Variants in GUCY2D observed in about 807,000 individuals in gnomAD.
The protein encoded by GUCY2D is guanylate cyclase 2D, retinal.
GUCY2D carries 70 observed loss-of-function variants against 101.3 expected under a neutral mutation model. The ratio of observed to expected loss-of-function variants is 0.69; its 90% CI spans 0.57 to 0.84. GUCY2D has a LOEUF of 0.84. Ranked by LOEUF, GUCY2D falls within the 40% of genes least tolerant of loss-of-function variation. GUCY2D has a pLI of 0.00. For missense variants in GUCY2D, 1,460 were observed against 1,542.5 expected, an observed-to-expected ratio of 0.95 and a Z score of 0.90; for synonymous variants, 688 against 670.7, an observed-to-expected ratio of 1.03 and a Z score of -0.40.
rs1342484355 is a variant in GUCY2D at position 8,003,092 on chromosome 17, G to T, written c.45G>T (p.Gly15=). ...GAGCGGGTGGGCTTCCGGACCCCGG[G>T]CTCTGCGGTCCCGCGTGGTGGGCTC... is the stretch of plus-strand genomic sequence containing the variant. ...ARRAGGLPDP[G]LCGPAWWAPS... Residue 15 remains glycine (G), a synonymous_variant, in exon 2 of 20, where the codon GGG becomes GGT. Transcript: ENST00000254854. 2 of 1,524,894 alleles carry T rather than the reference G, an allele frequency of 1.3e-6. No individual in the cohort carries two copies. The highest frequency in any genetic ancestry group is 1.8e-6 in the Non-Finnish European group (2 of 1,142,606). The allele number at this position is 1,524,894 out of a possible 1,614,324, so 94.5% of individuals were successfully genotyped here. A position where few individuals can be genotyped will look rare whatever the true frequency, so the allele number is the denominator to read the frequency against.
Position 8,003,549 on chromosome 17 carries a change from G to A in GUCY2D, c.502G>A (p.Ala168Thr), listed in dbSNP as rs756319569. ...CACCACGGCCCCTGCCGTGACCCCC[G>A]CCGCGGATGCCCTCTACGCCCTGCT... ...EGTTAPAVTP[A>T]ADALYALLRA... Residue 168 changes from alanine (A) to threonine (T), a missense_variant, in exon 2 of 20, where the codon GCC becomes ACC. This residue lies in a region of GUCY2D where 1,196 missense variants were observed against 1,229.6 expected (regional missense o/e 0.97). Coordinates refer to ENST00000254854, the MANE Select transcript of GUCY2D (RefSeq NM_000180.4). 7 of 1,561,332 alleles carry A rather than the reference G, an allele frequency of 4.5e-6. No homozygotes were observed. The highest frequency in any genetic ancestry group is 3.5e-5 in the South Asian group (3 of 86,666).
At position 8,004,146 on chromosome 17, in the gene GUCY2D, A is replaced by T. The variant is rs1397466363; in HGVS notation, c.1016A>T (p.Asn339Ile). Residue 339 changes from asparagine (N) to isoleucine (I), a missense_variant, in exon 3 of 20, where the codon AAT becomes ATT. Physicochemically the swap from Asn to Ile is moderately radical, Grantham distance 149 (BLOSUM62 -3). Transcript: ENST00000254854. ...CGCCGCGAGCTGCCCTCTGACCTCA[A>T]TCTGCAGCAGGTAGACGGTCCCGGG... is the stretch of plus-strand genomic sequence containing the variant. ...QERRELPSDL[N>I]LQQVSPLFGT... 3 of 1,592,088 alleles carry T rather than the reference A, an allele frequency of 1.9e-6. No individual in the cohort carries two copies. The highest frequency in any genetic ancestry group is 1.7e-6 in the Non-Finnish European group (2 of 1,174,058).
rs567708710 is a variant in GUCY2D, at chr17:8,012,288, G to C, written c.1894G>C (p.Ala632Pro). The change falls in exon 9 of 20, where the codon GCT (alanine) becomes CCT (proline). Residue 632 changes from alanine (A) to proline (P), a missense_variant. Around this residue, in one of 3 missense-constraint regions of GUCY2D, gnomAD observed 1,196 missense variants for 1,229.6 expected, o/e 0.97. Transcript: ENST00000254854. ...GCGGGGCTCTCTTCAGGACCTCCTC[G>C]CTCAGAGAGAAATAAAGCTGGACTG... ...CTRGSLQDLLAQREIKLDWMF... is the reference protein window; with the variant it reads ...CTRGSLQDLLPQREIKLDWMF... 1 of 1,613,946 alleles carries C rather than the reference G, an allele frequency of 6.2e-7. No homozygotes were observed. The highest frequency in any genetic ancestry group is 2.2e-5 in the East Asian group (1 of 44,846).
chr17:8,002,942 A>G lies in GUCY2D; in HGVS notation c.-9-97A>G. 4.3e-6 allele frequency: 4 copies of G among 934,344 alleles called. No individual in the cohort carries two copies. The highest frequency in any genetic ancestry group is 1.6e-5 in the South Asian group (1 of 63,256). 57.9% of individuals were successfully genotyped at this position (934,344 alleles called of 1,614,324 possible). On this transcript the variant is annotated intron_variant, in intron 1 of 19. Coordinates refer to ENST00000254854, the MANE Select transcript of GUCY2D (RefSeq NM_000180.4). This position sits in a 1 kb window ranked among gnomAD's most constrained non-coding sequence, Gnocchi z 4.9. Reference sequence around the variant, plus strand: ...GGGGCGGTAGCAGCAGAATCATCCCATGGGTTACTCGGGCTTGGAGAAACT... The same window carrying G: ...GGGGCGGTAGCAGCAGAATCATCCCGTGGGTTACTCGGGCTTGGAGAAACT...
At chr17:8,019,306 G>A (rs1011300771) in intron 19 of GUCY2D, among the ~76,000 whole-genome samples, 3 of 152,102 alleles carry the variant, frequency 2.0e-5, no homozygotes, top group South Asian at 4.1e-4. Flanking sequence ...GTGTGATTTC[G>A]GCTGCCTCAA....
chr17:8,012,006 T>C, intron 8 of GUCY2D, 138 bp from the exon 9 acceptor site: 3 of 701,790 alleles, frequency 4.3e-6, no homozygotes, highest in Non-Finnish European at 7.8e-6. Context: ...CCCCCGTACA[T>C]ACCTTATCAA....
chr17:8,016,331 C>T (rs971137344), intron 18 of GUCY2D, 41 bp downstream of exon 18: 5 of 1,456,556 alleles, frequency 3.4e-6, no homozygotes, highest in African/African-American at 2.8e-5. Flanking sequence ...GGACGAGGGA[C>T]CCCTGCCTCC....
At position 8,007,441 on chromosome 17, in the gene GUCY2D, C is replaced by T. The variant is rs377622295; in HGVS notation, c.1479C>T (p.His493=). 1.2e-6 allele frequency: 2 copies of T among 1,612,446 alleles called. No individual in the cohort carries two copies. The highest frequency in any genetic ancestry group is 1.7e-6 in the Non-Finnish European group (2 of 1,178,456). Residue 493 remains histidine (H), a synonymous_variant, in exon 6 of 20, where the codon CAC becomes CAT. Transcript: ENST00000254854. ...LAHYVRHRLL[H]MQMVSGPNKI... ...TCTCCACCAGGCACCGGCTACTTCA[C>T]ATGCAAATGGTCTCCGGCCCCAACA... is the stretch of plus-strand genomic sequence containing the variant.
Position 8,003,243 on chromosome 17 carries a change from C to A in GUCY2D, c.196C>A (p.Pro66Thr). Residue 66 changes from proline to threonine, a missense_variant, in exon 2 of 20, where the codon CCC (proline) becomes ACC (threonine). Pro to Thr is a conservative substitution (Grantham distance 38). Transcript: ENST00000254854. ...GGTCCTGGGCCCCTGGGCTTGCGAC[C>A]CCATCTTCTCTCGGGCTCGCCCGGA... ...VGVLGPWACDPIFSRARPDLA... is the reference protein window; with the variant it reads ...VGVLGPWACDTIFSRARPDLA... The A allele has an allele frequency of 6.6e-7, 1 of 1,516,032 alleles. No individual in the cohort carries two copies. 93.9% of individuals were successfully genotyped at this position (1,516,032 alleles called of 1,614,324 possible).
rs770255396 is a variant in GUCY2D at position 8,006,452 on chromosome 17, G to T, written c.1116G>T (p.Trp372Cys). 5 of 1,605,260 alleles carry T rather than the reference G, an allele frequency of 3.1e-6. No individual in the cohort carries two copies. The Admixed American group carries it at 8.3e-5, about 27-fold the overall frequency. Residue 372 changes from tryptophan to cysteine, a missense_variant, in exon 4 of 20, where the codon TGG becomes TGT. This residue lies in a region of GUCY2D where 1,196 missense variants were observed against 1,229.6 expected (regional missense o/e 0.97). Transcript: ENST00000254854. ...AEARAAAGGRWVSGAAVARHI... is the reference protein window; with the variant it reads ...AEARAAAGGRCVSGAAVARHI... The stretch of plus-strand genomic sequence containing the variant: ...CGCGGGCTGCCGCAGGTGGCAGATG[G>T]GTGTCCGGAGCAGCTGTGGCCCGCC...
At chr17:8,015,232 A>C (rs141214199) in intron 14 of GUCY2D, 96 bp from the exon 15 acceptor site, 1 of 1,245,904 alleles carries the variant, frequency 8.0e-7, no homozygotes, top group Middle Eastern at 1.9e-4. Flanking sequence ...CTGGTTCTGC[A>C]CTAACCCCAG....
rs1451359371 is a variant in GUCY2D, at chr17:8,003,044, GGCAAT to G, written c.-2_3del. On this transcript the variant is annotated start_lost and 5_prime_UTR_variant, in exon 2 of 20. Transcript: ENST00000254854. ...TGCTCCGTCTGTGTTCGCAGAAGCC[GGCAAT>G]GACCGCCTGCGCCCGCCGAGCGGGT... 19 of 1,525,234 alleles carry G rather than the reference GGCAAT, an allele frequency of 1.2e-5. No homozygotes were observed. Among genetic ancestry groups the G allele is most frequent in the Non-Finnish European group, 1.6e-5 (18 of 1,142,772 alleles). 94.5% of individuals were successfully genotyped at this position (1,525,234 alleles called of 1,614,324 possible).
At chr17:8,016,682 G>C in intron 19 of GUCY2D, 128 bp downstream of exon 19, 1 of 602,466 alleles carries the variant, frequency 1.7e-6, no homozygotes, top group Non-Finnish European at 3.0e-6. Flanking sequence ...AAACCCCGGG[G>C]CTTCCCCTGG....
Position 8,013,692 on chromosome 17 carries a change from C to A in GUCY2D, c.2264-188C>A. ...ACTGACCCCCAGAGTTCGAGGTCCT[C>A]TTGTTCCTCCTAGCAACCCCCTTCC... On this transcript the variant is annotated intron_variant, in intron 11 of 19. Coordinates refer to ENST00000254854, the MANE Select transcript of GUCY2D (RefSeq NM_000180.4). The surrounding 1 kb of genome is among the most constrained non-coding windows in gnomAD (Gnocchi z 5.0). 1.6e-6 allele frequency: 1 copy of A among 621,600 alleles called. No individual in the cohort carries two copies. The highest frequency in any genetic ancestry group is 2.9e-6 in the Non-Finnish European group (1 of 348,620). 38.5% of individuals were successfully genotyped at this position (621,600 alleles called of 1,614,324 possible).
rs772299197 is a variant in GUCY2D, at chr17:8,004,066, GCGC to G, written c.938_940del (p.Arg313del). The G allele has an allele frequency of 1.9e-6, 3 of 1,607,202 alleles. No individual in the cohort carries two copies. In the South Asian group the frequency reaches 3.3e-5, roughly 18 times the overall value. On this transcript the variant is annotated inframe_deletion, in exon 3 of 20. Coordinates refer to ENST00000254854, the MANE Select transcript of GUCY2D (RefSeq NM_000180.4). The stretch of plus-strand genomic sequence containing the variant: ...CCCACGATGCCGTGCTCACCCTCAC[GCGC>G]CACTGTCCCTCTGAAGGCAGCGTGC...
intron 6 of GUCY2D, 72 bp downstream of exon 6, chr17:8,007,600 C>A: frequency 1.1e-6 from 1 of 915,460 alleles, no homozygotes. Context: ...GGGCCAGTCC[C>A]GACCCCAGCT....
Position 8,005,881 on chromosome 17 carries a change from TTTG to T in GUCY2D, c.1027-479_1027-477del, listed in dbSNP as rs201656108. ...AATAGAGAAGGTTTTTTGTTTGTTTTTTGTTTAGTTTTTTTGTTTGTTTGTTTG... is the reference window on the plus strand; with the variant it reads ...AATAGAGAAGGTTTTTTGTTTGTTTTTTTAGTTTTTTTGTTTGTTTGTTTG... On this transcript the variant is annotated intron_variant, in intron 3 of 19. Coordinates refer to ENST00000254854, the MANE Select transcript of GUCY2D (RefSeq NM_000180.4). Among the ~76,000 whole-genome samples, 715 of 152,300 alleles carry T rather than the reference TTTG, an allele frequency of 4.7e-3. 3 individuals are homozygous for T. The highest frequency in any genetic ancestry group is 0.031 in the Middle Eastern group (9 of 294).
intron 4 of GUCY2D, 55 bp downstream of exon 4, chr17:8,006,769 A>C (rs765432253): frequency 3.0e-5 from 42 of 1,417,924 alleles, no homozygotes; most frequent in Non-Finnish European, 4.0e-5. Context: ...CCATCCACAA[A>C]GTGATGAAAG....
chr17:8,014,739 CG>C lies in GUCY2D; in HGVS notation c.2553del (p.Leu852CysfsTer14). On this transcript the variant is annotated frameshift_variant, in exon 13 of 20. Coordinates refer to ENST00000254854, the MANE Select transcript of GUCY2D (RefSeq NM_000180.4). LOFTEE classifies it high-confidence loss of function. This position sits in a 1 kb window ranked among gnomAD's most constrained non-coding sequence, Gnocchi z 4.0. The part of the protein sequence containing the change: ...ELELEKQKTD[R>X]LLTQMLPPSV... ...GGAGCTGGAAAAGCAGAAGACAGAC[CG>C]GCTGCTTACACAGATGCTGCCTCCG... 1 of 1,391,990 alleles carries C rather than the reference CG, an allele frequency of 7.2e-7. No individual in the cohort carries two copies. The highest frequency in any genetic ancestry group is 1.1e-5 in the South Asian group (1 of 87,940). The allele number at this position is 1,391,990 out of a possible 1,614,324, so 86.2% of individuals were successfully genotyped here.
Sources: allele counts gnomAD v4.1 joint callset (sites outside exome capture counted in the v4.1 genomes callset), GRCh38; gene constraint gnomAD v4.1.1; regional missense constraint gnomAD v4.1.1; non-coding constraint Gnocchi (gnomAD v3.1); transcripts MANE v1.5; gene names NCBI Gene and HGNC (gene_info 2026-07-23, HGNC 2026-07-21).